ZDHHC21: variants seen among roughly 807,000 people sequenced by gnomAD.
ZDHHC21 encodes palmitoyltransferase ZDHHC21.
In ZDHHC21, 15 loss-of-function variants were observed where a neutral mutation model predicts 34.6. That is an observed-to-expected ratio of 0.43 (90% CI 0.29 to 0.67). The LOEUF (loss-of-function observed/expected upper bound fraction) is 0.67, where lower values mean the gene tolerates loss of function less well. ZDHHC21 is among the 30% of genes least tolerant of loss of function. ZDHHC21 has a pLI of 0.14. For missense variants in ZDHHC21, 344 were observed against 327.7 expected, an observed-to-expected ratio of 1.05 and a Z score of -0.38; for synonymous variants, 142 against 101.8, an observed-to-expected ratio of 1.40 and a Z score of -2.38.
intron 3 of ZDHHC21, among the ~76,000 whole-genome samples, chr9:14,676,089 CA>C (rs1346493334): frequency 6.6e-6 from 1 of 151,992 alleles, no homozygotes; most frequent in African/African-American, 2.4e-5. Flanking sequence ...AGGGGATTAA[CA>C]TGACGAAATG....
At chr9:14,635,285 C>A (rs183965748) in intron 8 of ZDHHC21, among the ~76,000 whole-genome samples, 2 of 152,148 alleles carry the variant, frequency 1.3e-5, no homozygotes, top group South Asian at 2.1e-4. Flanking sequence ...CAGCTGAAAA[C>A]TTCTCAAGTC....
chr9:14,674,481 C>G, intron 3 of ZDHHC21, 96 bp from the exon 4 acceptor site: 1 of 651,936 alleles, frequency 1.5e-6, no homozygotes, highest in Non-Finnish European at 2.5e-6. Flanking sequence ...ATTGAGTTTT[C>G]TTTGCATATT....
At position 14,618,180 on chromosome 9, in the gene ZDHHC21, A is replaced by G. The variant is rs1824614422; in HGVS notation, c.*786T>C. 1 of 152,572 alleles carries G rather than the reference A, an allele frequency of 6.6e-6. No individual in the cohort carries two copies. Among genetic ancestry groups the G allele is most frequent in the South Asian group, 2.1e-4 (1 of 4,834 alleles). 9.5% of individuals were successfully genotyped at this position (152,572 alleles called of 1,614,324 possible). On this transcript the variant is annotated 3_prime_UTR_variant, in exon 10 of 10. Transcript: ENST00000380916. ...TTTGCTCATTAAAATCTTAGGATAAAATAGGAATACATGCCCACTGGTCAG... is the reference window on the plus strand; with the variant it reads ...TTTGCTCATTAAAATCTTAGGATAAGATAGGAATACATGCCCACTGGTCAG...
chr9:14,622,599 C>G, intron 8 of ZDHHC21: 6 of 985,248 alleles, frequency 6.1e-6, no homozygotes, highest in Non-Finnish European at 6.0e-6. Flanking sequence ...CCAACTAACT[C>G]ATCCTGTTTT....
chr9:14,682,427 T>C (rs997820309), intron 2 of ZDHHC21, among the ~76,000 whole-genome samples: 15 of 151,708 alleles, frequency 9.9e-5, no homozygotes, highest in Admixed American at 2.0e-4. Context: ...ACCAAAAACA[T>C]CAAAACAGAC....
At chr9:14,603,496 G>A in the ZDHHC21 span, among the ~76,000 whole-genome samples, 103,733 of 151,934 alleles carry the variant, frequency 0.68, 35,933 homozygotes, top group African/African-American at 0.81. Context: ...AATTGTTGTG[G>A]TATTTTTCCC....
At chr9:14,648,665 T>G (rs1830681914) in intron 7 of ZDHHC21, among the ~76,000 whole-genome samples, 1 of 152,136 alleles carries the variant, frequency 6.6e-6, no homozygotes, top group Non-Finnish European at 1.5e-5. Flanking sequence ...TTATTGCCTG[T>G]CTTCTCTAAT....
At chr9:14,656,029 T>C (rs1832141403) in intron 7 of ZDHHC21, among the ~76,000 whole-genome samples, 1 of 151,704 alleles carries the variant, frequency 6.6e-6, no homozygotes, top group Admixed American at 6.6e-5. Flanking sequence ...GCAAGAATCA[T>C]TACTAAGAAT....
At chr9:14,596,778 G>A in the ZDHHC21 span, among the ~76,000 whole-genome samples, 1 of 152,122 alleles carries the variant, frequency 6.6e-6, no homozygotes, top group African/African-American at 2.4e-5. Context: ...TAAATTACTG[G>A]CTGGTGGCTA....
chr9:14,670,858 AATCC>A (rs1176299822), intron 5 of ZDHHC21, among the ~76,000 whole-genome samples: 1 of 152,092 alleles, frequency 6.6e-6, no homozygotes, highest in East Asian at 1.9e-4. Flanking sequence ...CAAGAAAAAA[AATCC>A]ATCCATCTTA....
the ZDHHC21 span, among the ~76,000 whole-genome samples, chr9:14,597,612 G>T: frequency 6.6e-6 from 1 of 152,128 alleles, no homozygotes; most frequent in African/African-American, 2.4e-5. Flanking sequence ...GTCTGCCCCA[G>T]CCCTCACTGC....
In ZDHHC21 at chr9:14,612,842, T is replaced by TGA. The variant is rs1823542808; in HGVS notation, c.*6123_*6124insTC. 1 of 78,428 alleles carries TGA rather than the reference T, an allele frequency of 1.3e-5. No individual in the cohort carries two copies. Among genetic ancestry groups the TGA allele is most frequent in the Non-Finnish European group, 2.5e-5 (1 of 40,024 alleles). The allele number at this position is 78,428 out of a possible 1,614,324, so 4.9% of individuals were successfully genotyped here. On this transcript the variant is annotated 3_prime_UTR_variant, in exon 10 of 10. Transcript: ENST00000380916. ...TATTATTCTTTAAAGCCACTAAAGA[T>TGA]TACACACACACACACACACACACAC...
intron 5 of ZDHHC21, among the ~76,000 whole-genome samples, chr9:14,672,445 C>G (rs10123973): frequency 6.6e-6 from 1 of 151,848 alleles, no homozygotes; most frequent in Admixed American, 6.6e-5. Flanking sequence ...AAAATTATCT[C>G]TGTACATAGA....
At position 14,613,083 on chromosome 9, in the gene ZDHHC21, T is replaced by C. The variant is rs1050016319; in HGVS notation, c.*5883A>G. 6.6e-6 allele frequency: 1 copy of C among 151,756 alleles called. No homozygotes were observed. Among genetic ancestry groups the C allele is most frequent in the Non-Finnish European group, 1.5e-5 (1 of 67,812 alleles). The allele number at this position is 151,756 out of a possible 1,614,324, so 9.4% of individuals were successfully genotyped here. A position where few individuals can be genotyped will look rare whatever the true frequency, so the allele number is the denominator to read the frequency against. ...TGTAATTTCAGCCTATCAAACTACCTTTTAAAGTAGCCAAGCTATATTAAA... is the reference window on the plus strand; with the variant it reads ...TGTAATTTCAGCCTATCAAACTACCCTTTAAAGTAGCCAAGCTATATTAAA... On this transcript the variant is annotated 3_prime_UTR_variant, in exon 10 of 10. Coordinates refer to ENST00000380916, the MANE Select transcript of ZDHHC21 (RefSeq NM_178566.6).
chr9:14,619,639 A>G lies in ZDHHC21; in HGVS notation c.665T>C (p.Ile222Thr), dbSNP rs1489386715. The change falls in exon 9 of 10, where the codon ATA becomes ACA. Residue 222 changes from isoleucine to threonine, a missense_variant and splice_region_variant. Ile to Thr is a moderately conservative substitution (Grantham distance 89). Transcript: ENST00000380916. Reference protein sequence around the residue: ...IEKMSNCCEDISRPRKPWQQT... With the variant: ...IEKMSNCCEDTSRPRKPWQQT... Reference sequence around the variant, plus strand: ...CTATACACTTCAGTTTTATACTTACATATCTTCACAACAGTTTGACATCTT... The same window carrying G: ...CTATACACTTCAGTTTTATACTTACGTATCTTCACAACAGTTTGACATCTT... 1.4e-6 allele frequency: 2 copies of G among 1,416,210 alleles called. No homozygotes were observed. The highest frequency in any genetic ancestry group is 2.0e-5 in the Admixed American group (1 of 48,988). The allele number at this position is 1,416,210 out of a possible 1,614,324, so 87.7% of individuals were successfully genotyped here.
At chr9:14,625,907 A>G (rs191406678) in intron 8 of ZDHHC21, among the ~76,000 whole-genome samples, 113 of 152,056 alleles carry the variant, frequency 7.4e-4, no homozygotes, top group African/African-American at 2.6e-3. Context: ...CTATTATGAC[A>G]CAGTCCTTAG....
chr9:14,664,157 G>C (rs1191495978), intron 5 of ZDHHC21, among the ~76,000 whole-genome samples: 1 of 152,104 alleles, frequency 6.6e-6, no homozygotes, highest in Non-Finnish European at 1.5e-5. Context: ...TGCGCGCACC[G>C]TGCGCGAGCC....
At chr9:14,679,553 G>A (rs1715857427) in intron 3 of ZDHHC21, among the ~76,000 whole-genome samples, 1 of 152,134 alleles carries the variant, frequency 6.6e-6, no homozygotes, top group Non-Finnish European at 1.5e-5. Context: ...AGAGAAAGGA[G>A]TAGTGAAAAG....
chr9:14,679,162 A>C (rs1164264805), intron 3 of ZDHHC21, among the ~76,000 whole-genome samples: 1 of 152,128 alleles, frequency 6.6e-6, no homozygotes, highest in Non-Finnish European at 1.5e-5. Context: ...GAATCTGTAA[A>C]CCAATACAGA....
Sources: gnomAD v4.1 joint callset for allele counts (sites outside exome capture counted in the v4.1 genomes callset) on GRCh38, gnomAD v4.1.1 for gene constraint, MANE v1.5 for transcripts, NCBI Gene and HGNC (gene_info 2026-07-23, HGNC 2026-07-21) for gene names.